Variants in RAPGEF1 observed in about 807,000 individuals in gnomAD.
RAPGEF1 encodes Rap guanine nucleotide exchange factor 1.
Under a neutral mutation model 143.3 loss-of-function variants are expected in RAPGEF1, and 33 were observed. That is an observed-to-expected ratio of 0.23 (90% CI 0.17 to 0.31). The LOEUF (loss-of-function observed/expected upper bound fraction) is 0.31. RAPGEF1 is among the 10% of genes least tolerant of loss of function. The pLI is 1.00. For missense variants in RAPGEF1, 1,199 were observed against 1,645.4 expected, an observed-to-expected ratio of 0.73 and a Z score of 4.69; for synonymous variants, 629 against 676.5, an observed-to-expected ratio of 0.93 and a Z score of 1.09.
At chr9:131,698,279 T>C (rs139691610) in intron 1 of RAPGEF1, among the ~76,000 whole-genome samples, 1 of 152,166 alleles carries the variant, frequency 6.6e-6, no homozygotes, top group African/African-American at 2.4e-5. Context: ...TCTGCCCTTG[T>C]AAACAGACAC....
Position 131,579,438 on chromosome 9 carries a change from C to G in RAPGEF1, c.*59G>C. 1 of 1,584,586 alleles carries G rather than the reference C, an allele frequency of 6.3e-7. No homozygotes were observed. On this transcript the variant is annotated 3_prime_UTR_variant, in exon 27 of 27. Coordinates refer to ENST00000683357, the MANE Select transcript of RAPGEF1 (RefSeq NM_001377935.1). ...CGCCTAACAGGTCCAAGGTCCTCTC[C>G]GGTCTGGGAGCTGCCCTCTGCGCCC...
At chr9:131,594,095 C>T (rs1477901200) in intron 17 of RAPGEF1, among the ~76,000 whole-genome samples, 2 of 152,130 alleles carry the variant, frequency 1.3e-5, no homozygotes, top group Non-Finnish European at 2.9e-5. Flanking sequence ...GTGGCGGGGT[C>T]GGCGCCCATG....
chr9:131,582,365 C>A (rs2132095135), intron 25 of RAPGEF1, among the ~76,000 whole-genome samples: 1 of 151,508 alleles, frequency 6.6e-6, no homozygotes, highest in African/African-American at 2.4e-5. Flanking sequence ...GTATTCTTCA[C>A]CTGAGCGCTT....
chr9:131,652,521 AATT>A (rs1486956081), intron 1 of RAPGEF1, among the ~76,000 whole-genome samples: 2 of 152,136 alleles, frequency 1.3e-5, no homozygotes, highest in Non-Finnish European at 2.9e-5. Flanking sequence ...CTATTTAAAA[AATT>A]ATTATTTTTT....
intron 5 of RAPGEF1, among the ~76,000 whole-genome samples, chr9:131,631,690 C>T (rs142665472): frequency 1.8e-4 from 28 of 152,332 alleles, no homozygotes; most frequent in African/African-American, 6.7e-4. Context: ...AAAAGCACCA[C>T]ACACAAAAAA....
At position 131,584,772 on chromosome 9, in the gene RAPGEF1, T is replaced by A. The variant is rs1952442217; in HGVS notation, c.3234-176A>T. 1.3e-5 allele frequency among the ~76,000 whole-genome samples: 2 copies of A among 152,122 alleles called. No individual in the cohort carries two copies. Among genetic ancestry groups the A allele is most frequent in the East Asian group, 3.8e-4 (2 of 5,200 alleles). On this transcript the variant is annotated intron_variant, in intron 22 of 26. Transcript: ENST00000683357. The surrounding 1 kb of genome is among the most constrained non-coding windows in gnomAD (Gnocchi z 6.8). ...CTAGTTTCTGCTCTCCAGGAGCTCATAACATCCTGGGACAGAGGCACAAGG... is the reference window on the plus strand; with the variant it reads ...CTAGTTTCTGCTCTCCAGGAGCTCAAAACATCCTGGGACAGAGGCACAAGG...
chr9:131,661,420 C>T (rs12344544), intron 1 of RAPGEF1, among the ~76,000 whole-genome samples: 2,955 of 152,096 alleles, frequency 0.019, 103 homozygotes, highest in African/African-American at 0.068. Flanking sequence ...TGGTTATGCT[C>T]GGGGAGTGGG....
intron 11 of RAPGEF1, among the ~76,000 whole-genome samples, chr9:131,619,866 G>C (rs1960250364): frequency 6.6e-6 from 1 of 152,228 alleles, no homozygotes; most frequent in South Asian, 2.1e-4. Context: ...GGTGTGACCA[G>C]CAGCTGGCAG....
chr9:131,646,173 TGTGAA>T (rs904308306), intron 3 of RAPGEF1, among the ~76,000 whole-genome samples: 2 of 152,186 alleles, frequency 1.3e-5, no homozygotes, highest in African/African-American at 4.8e-5. Context: ...ACAACCACCC[TGTGAA>T]GTGGATACTA....
chr9:131,598,118 G>T, intron 16 of RAPGEF1, 81 bp downstream of exon 16: 1 of 1,250,404 alleles, frequency 8.0e-7, no homozygotes, highest in Non-Finnish European at 1.1e-6. Context: ...TTCTGCTTAT[G>T]ACAAGATCAC....
intron 17 of RAPGEF1, among the ~76,000 whole-genome samples, chr9:131,593,350 T>A (rs1354782689): frequency 6.6e-6 from 1 of 152,204 alleles, no homozygotes; most frequent in Non-Finnish European, 1.5e-5. Context: ...GAAGTGGAAT[T>A]TTAAAATGTA....
chr9:131,663,369 T>C (rs977659520), intron 1 of RAPGEF1, among the ~76,000 whole-genome samples: 1 of 151,910 alleles, frequency 6.6e-6, no homozygotes, highest in African/African-American at 2.4e-5. Context: ...ATAAATAACA[T>C]AATAACATTA....
intron 1 of RAPGEF1, among the ~76,000 whole-genome samples, chr9:131,654,677 G>A (rs763383409): frequency 1.3e-5 from 2 of 152,188 alleles, no homozygotes; most frequent in Admixed American, 6.5e-5. Context: ...GCAACAGAGC[G>A]AGACCCTGTC....
intron 15 of RAPGEF1, among the ~76,000 whole-genome samples, chr9:131,600,760 G>A (rs1956133781): frequency 6.6e-6 from 1 of 152,110 alleles, no homozygotes; most frequent in Admixed American, 6.6e-5. Flanking sequence ...AGTTGCAGGT[G>A]GGAGTGCCCA....
intron 12 of RAPGEF1, among the ~76,000 whole-genome samples, chr9:131,613,689 T>C (rs1958413649): frequency 6.6e-6 from 1 of 152,090 alleles, no homozygotes; most frequent in Admixed American, 6.5e-5. Context: ...TGGGGACTAA[T>C]TTCTGACCTC....
chr9:131,660,143 T>C (rs1973635713), intron 1 of RAPGEF1, among the ~76,000 whole-genome samples: 1 of 152,294 alleles, frequency 6.6e-6, no homozygotes, highest in Middle Eastern at 3.4e-3. Flanking sequence ...CTAACAACTT[T>C]AACATGGAAA....
rs943127639 is a variant in RAPGEF1 at position 131,626,267 on chromosome 9, C to T, written c.1357G>A (p.Gly453Ser). 16 of 1,613,788 alleles carry T rather than the reference C, an allele frequency of 9.9e-6. No homozygotes were observed. Among genetic ancestry groups the T allele is most frequent in the Admixed American group, 5.0e-5 (3 of 59,992 alleles). The change falls in exon 10 of 27, where the codon GGC (glycine) becomes AGC (serine). Residue 453 changes from glycine to serine, a missense_variant. Transcript: ENST00000683357. ...LGPPFQLPLG[G>S]HPQPDGPLAP... ...AGAGGTCCGTCTGGCTGGGGATGGC[C>T]GCCAAGAGGCAGCTGGAAAGGAGGG...
In RAPGEF1 at chr9:131,628,739, G is replaced by A; in HGVS notation, c.894-67C>T. The A allele has an allele frequency of 2.6e-6, 4 of 1,521,760 alleles. No homozygotes were observed. The highest frequency in any genetic ancestry group is 3.5e-6 in the Non-Finnish European group (4 of 1,129,902). The allele number at this position is 1,521,760 out of a possible 1,614,324, so 94.3% of individuals were successfully genotyped here. ...ACCAAAGCTCTTCAGCGTGATATTG[G>A]GGTACAGGATGTGGGGTTCTTTCAT... On this transcript the variant is annotated intron_variant, in intron 7 of 26. Transcript: ENST00000683357. This position sits in a 1 kb window ranked among gnomAD's most constrained non-coding sequence, Gnocchi z 5.7.
intron 1 of RAPGEF1, among the ~76,000 whole-genome samples, chr9:131,706,112 T>C (rs534294120): frequency 6.6e-6 from 1 of 152,254 alleles, no homozygotes; most frequent in East Asian, 1.9e-4. Context: ...CACATAACGA[T>C]ATGCCCAGGA....
Sources: allele counts gnomAD v4.1 joint callset (sites outside exome capture counted in the v4.1 genomes callset), GRCh38; gene constraint gnomAD v4.1.1; non-coding constraint Gnocchi (gnomAD v3.1); transcripts MANE v1.5; gene names NCBI Gene and HGNC (gene_info 2026-07-23, HGNC 2026-07-21).